ATP6V0A4: variants seen among roughly 807,000 people sequenced by gnomAD.
ATP6V0A4 encodes V-type proton ATPase 116 kDa subunit a 4.
A neutral mutation model predicts 107.3 loss-of-function variants in ATP6V0A4; 86 were observed. That is an observed-to-expected ratio of 0.80 (90% CI 0.67 to 0.96). The LOEUF (loss-of-function observed/expected upper bound fraction) is 0.96. ATP6V0A4 is among the 40% of genes least tolerant of loss of function. ATP6V0A4 has a pLI of 0.00. For missense variants in ATP6V0A4, 908 were observed against 1,045.6 expected (o/e 0.87, Z 1.81); for synonymous variants, 353 against 381.4 (o/e 0.93, Z 0.87).
chr7:138,715,661 C>T, intron 20 of ATP6V0A4, 103 bp downstream of exon 20: 1 of 1,479,156 alleles, frequency 6.8e-7, no homozygotes, highest in Non-Finnish European at 9.4e-7. Flanking sequence ...GGCAAACATC[C>T]ACAAATAGCT....
chr7:138,744,471 C>T (rs951735922), intron 14 of ATP6V0A4, among the ~76,000 whole-genome samples: 9 of 152,032 alleles, frequency 5.9e-5, no homozygotes, highest in Admixed American at 3.3e-4. Context: ...CTCCTGAACT[C>T]AAGTGATCCT....
intron 2 of ATP6V0A4, among the ~76,000 whole-genome samples, chr7:138,779,361 TA>T (rs1257357353): frequency 7.8e-5 from 7 of 89,528 alleles, no homozygotes; most frequent in African/African-American, 2.1e-4. Context: ...AAAAAATAAA[TA>T]AATAAAAGAT....
At chr7:138,716,513 G>C (rs1424189112) in intron 19 of ATP6V0A4, among the ~76,000 whole-genome samples, 1 of 148,274 alleles carries the variant, frequency 6.7e-6, no homozygotes, top group Non-Finnish European at 1.5e-5. Context: ...ATAACAGAAC[G>C]AAGAAGACAG....
At chr7:138,761,303 G>A (rs1193010163) in intron 7 of ATP6V0A4, among the ~76,000 whole-genome samples, 1 of 150,936 alleles carries the variant, frequency 6.6e-6, no homozygotes, top group Non-Finnish European at 1.5e-5. Flanking sequence ...CTGCACTCCA[G>A]CCTGGGCAAC....
Position 138,762,418 on chromosome 7 carries a change from G to C in ATP6V0A4, c.434C>G (p.Ala145Gly). The change falls in exon 7 of 22, where the codon GCT becomes GGT. Residue 145 changes from alanine to glycine, a missense_variant. Physicochemically the swap from Ala to Gly is moderately conservative, Grantham distance 60 (BLOSUM62 0). Coordinates refer to ENST00000310018, the MANE Select transcript of ATP6V0A4 (RefSeq NM_020632.3). ...AGTGTCCTCAGTAAAGAAATCATCA[G>C]CTAAATTGGTTTCCGTCTGAAAGTC... Reference protein sequence around the residue: ...QDFFETETNLADDFFTEDTSG... With the variant: ...QDFFETETNLGDDFFTEDTSG... 6.2e-7 allele frequency: 1 copy of C among 1,614,054 alleles called. No individual in the cohort carries two copies. Among genetic ancestry groups the C allele is most frequent in the Non-Finnish European group, 8.5e-7 (1 of 1,179,978 alleles).
At chr7:138,716,003 G>T in intron 19 of ATP6V0A4, 122 bp from the exon 20 acceptor site, 1 of 1,356,244 alleles carries the variant, frequency 7.4e-7, no homozygotes, top group Non-Finnish European at 1.0e-6. Flanking sequence ...TCTAACTAGG[G>T]GAAAAGAAAT....
Position 138,773,769 on chromosome 7 carries a change from G to C in ATP6V0A4, c.-17-2505C>G, listed in dbSNP as rs1184785087. The stretch of plus-strand genomic sequence containing the variant: ...AGTGAACATAGACCAGAGACCCAAG[G>C]CATTCACTTTATGCAGATCAAAAGC... On this transcript the variant is annotated intron_variant, in intron 2 of 21. Coordinates refer to ENST00000310018, the MANE Select transcript of ATP6V0A4 (RefSeq NM_020632.3). This position sits in a 1 kb window ranked among gnomAD's most constrained non-coding sequence, Gnocchi z 5.4. 2 of 152,274 alleles carry C rather than the reference G, an allele frequency of 1.3e-5. No homozygotes were observed. The highest frequency in any genetic ancestry group is 4.8e-5 in the African/African-American group (2 of 41,442). The allele number at this position is 152,274 out of a possible 1,614,324, so 9.4% of individuals were successfully genotyped here. A position where few individuals can be genotyped will look rare whatever the true frequency, so the allele number is the denominator to read the frequency against.
chr7:138,779,604 A>G (rs1423381897), intron 2 of ATP6V0A4, among the ~76,000 whole-genome samples: 1 of 152,184 alleles, frequency 6.6e-6, no homozygotes, highest in Non-Finnish European at 1.5e-5. Flanking sequence ...AACCACACTT[A>G]ATCTCCAAAT....
At chr7:138,763,090 C>A in intron 5 of ATP6V0A4, 65 bp from the exon 6 acceptor site, 1 of 1,595,018 alleles carries the variant, frequency 6.3e-7, no homozygotes, top group Non-Finnish European at 8.5e-7. Context: ...AAATACATTA[C>A]CCACAACAGA....
intron 3 of ATP6V0A4, among the ~76,000 whole-genome samples, chr7:138,769,472 G>A (rs1342894692): frequency 1.3e-5 from 2 of 151,786 alleles, no homozygotes; most frequent in Non-Finnish European, 2.9e-5. Flanking sequence ...CCACCACCAC[G>A]CCTGGCTAAT....
chr7:138,764,462 C>T (rs946611757), intron 5 of ATP6V0A4, among the ~76,000 whole-genome samples: 3 of 152,068 alleles, frequency 2.0e-5, no homozygotes, highest in African/African-American at 4.8e-5. Flanking sequence ...ACTTTAAAGG[C>T]TATCAGGGAA....
intron 15 of ATP6V0A4, 133 bp from the exon 16 acceptor site, chr7:138,734,387 A>G (rs776229594): frequency 3.8e-5 from 54 of 1,432,460 alleles, no homozygotes; most frequent in Non-Finnish European, 4.9e-5. Flanking sequence ...GTCCAGCTCA[A>G]TGCATACATT....
At chr7:138,717,336 A>G (rs532674628) in intron 19 of ATP6V0A4, among the ~76,000 whole-genome samples, 32 of 151,594 alleles carry the variant, frequency 2.1e-4, no homozygotes, top group Admixed American at 2.0e-3. Flanking sequence ...TCACAAGGTC[A>G]AGAGATCGAG....
intron 8 of ATP6V0A4, among the ~76,000 whole-genome samples, chr7:138,757,668 G>A (rs769967901): frequency 1.3e-5 from 2 of 152,106 alleles, no homozygotes; most frequent in Admixed American, 1.3e-4. Context: ...TAAAATGCCC[G>A]CACCCTTTAA....
chr7:138,793,077 T>C (rs1010616714), intron 1 of ATP6V0A4, among the ~76,000 whole-genome samples: 5 of 152,078 alleles, frequency 3.3e-5, no homozygotes, highest in African/African-American at 1.2e-4. Context: ...GAGTCTCACC[T>C]GAGGTCAGGA....
At chr7:138,729,587 T>C (rs1013214425) in intron 17 of ATP6V0A4, among the ~76,000 whole-genome samples, 7 of 152,060 alleles carry the variant, frequency 4.6e-5, no homozygotes, top group African/African-American at 1.7e-4. Context: ...ACCTTTCACA[T>C]CCTCACGCCC....
At chr7:138,729,850 G>A (rs534483371) in intron 17 of ATP6V0A4, among the ~76,000 whole-genome samples, 4 of 152,176 alleles carry the variant, frequency 2.6e-5, no homozygotes, top group African/African-American at 9.7e-5. Context: ...CCTGATAATA[G>A]AGTGAACACT....
intron 11 of ATP6V0A4, among the ~76,000 whole-genome samples, chr7:138,750,118 C>T (rs558358279): frequency 8.5e-4 from 129 of 152,332 alleles, no homozygotes; most frequent in African/African-American, 3.0e-3. Context: ...AATCAAAACT[C>T]TTTAGTCTTG....
intron 17 of ATP6V0A4, among the ~76,000 whole-genome samples, chr7:138,731,067 G>A (rs1181189096): frequency 6.6e-6 from 1 of 151,898 alleles, no homozygotes; most frequent in Non-Finnish European, 1.5e-5. Context: ...CTGAGTAGCT[G>A]GGATTATAGG....
Sources: gnomAD v4.1 joint callset for allele counts (sites outside exome capture counted in the v4.1 genomes callset) on GRCh38, gnomAD v4.1.1 for gene constraint, Gnocchi (gnomAD v3.1) non-coding constraint, MANE v1.5 for transcripts, NCBI Gene and HGNC (gene_info 2026-07-23, HGNC 2026-07-21) for gene names.